The following KAZN variants were observed in gnomAD, a reference collection of about 807,000 sequenced individuals.
The protein encoded by KAZN is kazrin, periplakin interacting protein.
KAZN carries 40 observed loss-of-function variants against 87.4 expected under a neutral mutation model. The observed-to-expected ratio is 0.46, with a 90% CI of 0.36 to 0.60. The LOEUF (loss-of-function observed/expected upper bound fraction) is 0.60, where lower values mean the gene tolerates loss of function less well. Ranked by LOEUF, KAZN falls within the 20% of genes least tolerant of loss-of-function variation. The pLI, the probability that KAZN is intolerant of heterozygous loss-of-function variation, is 0.00. For missense variants in KAZN, 898 were observed against 1,073.9 expected, an observed-to-expected ratio of 0.84 and a Z score of 2.29; for synonymous variants, 466 against 458.3, an observed-to-expected ratio of 1.02 and a Z score of -0.22.
chr1:14,857,345 T>C (rs4661531), intron 1 of KAZN, among the ~76,000 whole-genome samples: 122,393 of 152,034 alleles, frequency 0.81, 50,046 homozygotes, highest in African/African-American at 0.94. Flanking sequence ...AGCTCGAGAC[T>C]AGCCTTAGCA....
chr1:14,354,568 G>A lies in KAZN; in HGVS notation c.249+173976G>A, dbSNP rs114166528. Among the ~76,000 whole-genome samples the A allele has an allele frequency of 3.4e-3, 515 of 151,848 alleles. 2 individuals carry two copies. Among genetic ancestry groups the A allele is most frequent in the African/African-American group, 0.012 (483 of 41,414 alleles). ...AGAAGAACATAATAAGGTGCTCAAC[G>A]TCAGTAGTCATCAGGAAAATTCCAA... On this transcript the variant is annotated intron_variant, in intron 2 of 16. Transcript: ENST00000636203.
At chr1:14,380,134 G>C (rs2101045338) in intron 2 of KAZN, among the ~76,000 whole-genome samples, 1 of 152,350 alleles carries the variant, frequency 6.6e-6, no homozygotes, top group Non-Finnish European at 1.5e-5. Context: ...CAGTACCTCT[G>C]TGAGGCTGCA....
At chr1:14,907,414 A>C (rs1272229247) in intron 1 of KAZN, among the ~76,000 whole-genome samples, 2 of 151,826 alleles carry the variant, frequency 1.3e-5, no homozygotes, top group East Asian at 1.9e-4. Context: ...AAAAAAAAAA[A>C]AAACAAAAAG....
intron 8 of KAZN, among the ~76,000 whole-genome samples, chr1:15,083,730 C>T (rs944635330): frequency 6.6e-6 from 1 of 152,168 alleles, no homozygotes; most frequent in Admixed American, 6.5e-5. Flanking sequence ...TGGCTGGCTT[C>T]AAGTTCCCCA....
intron 2 of KAZN, among the ~76,000 whole-genome samples, chr1:14,570,358 C>T (rs1396337407): frequency 2.0e-5 from 3 of 152,182 alleles, no homozygotes; most frequent in Non-Finnish European, 4.4e-5. Flanking sequence ...TACCATCTCC[C>T]CAAAAACAAA....
At chr1:14,592,742 A>G (rs779718526) in intron 2 of KAZN, among the ~76,000 whole-genome samples, 5 of 152,192 alleles carry the variant, frequency 3.3e-5, no homozygotes, top group Non-Finnish European at 7.4e-5. Flanking sequence ...CCAAAGAAGC[A>G]TGAGAGTTTC....
intron 2 of KAZN, among the ~76,000 whole-genome samples, chr1:14,563,962 C>T (rs184905464): frequency 1.6e-4 from 23 of 146,640 alleles, no homozygotes; most frequent in African/African-American, 4.4e-4. Context: ...CACCATCTCC[C>T]GGGTTCAAGT....
rs1652014171 is a variant in KAZN, at chr1:14,870,446, G to T, written c.227-90238G>T. 2.6e-5 allele frequency among the ~76,000 whole-genome samples: 4 copies of T among 152,170 alleles called. No homozygotes were observed. In the South Asian group the frequency reaches 8.3e-4, roughly 32 times the overall value. On this transcript the variant is annotated intron_variant, in intron 1 of 14. Coordinates refer to ENST00000376030, the MANE Select transcript of KAZN (RefSeq NM_201628.3). ...CAACCTCCACCTCCTGGGTACGAGTGATTCTCCCACCTCAGCCTCCAAGTA... is the reference window on the plus strand; with the variant it reads ...CAACCTCCACCTCCTGGGTACGAGTTATTCTCCCACCTCAGCCTCCAAGTA...
intron 1 of KAZN, among the ~76,000 whole-genome samples, chr1:14,747,218 A>G (rs1644284991): frequency 6.6e-6 from 1 of 152,142 alleles, no homozygotes; most frequent in African/African-American, 2.4e-5. Context: ...ATGTGTATGT[A>G]GATAGTTAGA....
chr1:14,099,154 G>A lies in KAZN; in HGVS notation c.92-81281G>A, dbSNP rs188150365. Among the ~76,000 whole-genome samples the A allele has an allele frequency of 1.4e-3, 211 of 152,176 alleles. 1 individual carries two copies. The Middle Eastern group carries it at 0.02, about 15-fold the overall frequency. On this transcript the variant is annotated intron_variant, in intron 1 of 16. Coordinates refer to the KAZN transcript ENST00000636203. ...CCCATGTGAAGTTTGACAAATGGAGGGGAATAAGGAATCAGGGCCCTTTGC... is the reference window on the plus strand; with the variant it reads ...CCCATGTGAAGTTTGACAAATGGAGAGGAATAAGGAATCAGGGCCCTTTGC...
chr1:14,760,300 G>C (rs1644704406), intron 1 of KAZN, among the ~76,000 whole-genome samples: 1 of 152,108 alleles, frequency 6.6e-6, no homozygotes, highest in Admixed American at 6.5e-5. Context: ...GGTGCTCCTT[G>C]CCAATGTTTT....
At chr1:15,065,027 CTTTTTTTTTTTT>C (rs780410306) in intron 7 of KAZN, among the ~76,000 whole-genome samples, 1 of 102,754 alleles carries the variant, frequency 9.7e-6, no homozygotes, top group East Asian at 2.9e-4. Flanking sequence ...CTTTTTCTTT[CTTTTTTTTTTTT>C]TTTTTTTTTT....
intron 8 of KAZN, among the ~76,000 whole-genome samples, chr1:15,076,165 TGAGAC>T (rs1324761799): frequency 6.6e-6 from 1 of 152,106 alleles, no homozygotes; most frequent in Non-Finnish European, 1.5e-5. Flanking sequence ...GGAGGAGACT[TGAGAC>T]AAGCCAGGAG....
At chr1:14,266,874 TTTC>T (rs1459551157) in intron 2 of KAZN, among the ~76,000 whole-genome samples, 1 of 152,128 alleles carries the variant, frequency 6.6e-6, no homozygotes, top group African/African-American at 2.4e-5. Context: ...CCAACTTTTT[TTTC>T]TTCTTTTTAT....
At chr1:14,392,281 C>G (rs986073880) in intron 2 of KAZN, among the ~76,000 whole-genome samples, 1 of 152,118 alleles carries the variant, frequency 6.6e-6, no homozygotes, top group East Asian at 1.9e-4. Flanking sequence ...ATGGGGTGGA[C>G]ATGTACATAT....
rs61673279 is a variant in KAZN at position 13,900,437 on chromosome 1, G to A, written c.91+6681G>A. ...GCTGGTGGTGCAAGCACTTACTGTCGATGATGCCCCTTGGACCACTGCTTG... is the reference window on the plus strand; with the variant it reads ...GCTGGTGGTGCAAGCACTTACTGTCAATGATGCCCCTTGGACCACTGCTTG... On this transcript the variant is annotated intron_variant, in intron 1 of 16. Coordinates refer to the KAZN transcript ENST00000636203. 3.6e-3 allele frequency among the ~76,000 whole-genome samples: 548 copies of A among 152,218 alleles called. 3 individuals carry two copies. Among genetic ancestry groups the A allele is most frequent in the African/African-American group, 0.012 (514 of 41,528 alleles).
chr1:14,020,209 C>T (rs1047329422), intron 1 of KAZN, among the ~76,000 whole-genome samples: 10 of 152,132 alleles, frequency 6.6e-5, no homozygotes, highest in East Asian at 1.9e-4. Context: ...CAATGGGGAG[C>T]GGCTGTAAAT....
rs547932961 is a variant in KAZN, at chr1:14,276,476, G to T, written c.249+95884G>T. Among the ~76,000 whole-genome samples the T allele has an allele frequency of 2.6e-5, 4 of 152,232 alleles. No homozygotes were observed. In the East Asian group the frequency reaches 7.7e-4, roughly 29 times the overall value. On this transcript the variant is annotated intron_variant, in intron 2 of 16. Coordinates refer to the KAZN transcript ENST00000636203. ...AAATTTGTTGCCTCGCAGTTCTAGA[G>T]GCTGGAAGTCTGAAATCAAGGTGTC...
intron 2 of KAZN, among the ~76,000 whole-genome samples, chr1:14,477,995 A>G (rs1214854850): frequency 2.6e-5 from 4 of 152,206 alleles, no homozygotes; most frequent in Non-Finnish European, 5.9e-5. Context: ...GTGTCTCCAC[A>G]GCTCACCGCT....
Sources: allele counts gnomAD v4.1 joint callset (sites outside exome capture counted in the v4.1 genomes callset), GRCh38; gene constraint gnomAD v4.1.1; transcripts MANE v1.5; gene names NCBI Gene and HGNC (gene_info 2026-07-23, HGNC 2026-07-21).